GPM6A: variants seen among roughly 807,000 people sequenced by gnomAD.
GPM6A encodes neuronal membrane glycoprotein M6-a.
In GPM6A, 7 loss-of-function variants were observed where a neutral mutation model predicts 32.1. That is an observed-to-expected ratio of 0.22 (90% CI 0.12 to 0.41). The LOEUF (loss-of-function observed/expected upper bound fraction) is 0.41. Ranked by LOEUF, GPM6A falls within the 10% of genes least tolerant of loss-of-function variation. The pLI, the probability that GPM6A is intolerant of heterozygous loss-of-function variation, is 1.00. For missense variants in GPM6A, 235 were observed against 347.2 expected (o/e 0.68, Z 2.57); for synonymous variants, 130 against 123.4 (o/e 1.05, Z -0.35).
chr4:175,711,392 G>A (rs1461706044), intron 1 of GPM6A, among the ~76,000 whole-genome samples: 1 of 103,094 alleles, frequency 9.7e-6, no homozygotes, highest in Non-Finnish European at 1.8e-5. Context: ...GTTTAAAAAG[G>A]GCACACTGGC....
chr4:175,787,346 T>G, intron 1 of GPM6A: 1 of 1,533,348 alleles, frequency 6.5e-7, no homozygotes, highest in Non-Finnish European at 8.7e-7. Flanking sequence ...CTTCCAGGTC[T>G]GTCATAAAAG....
chr4:175,780,149 G>A (rs372674508), intron 1 of GPM6A, among the ~76,000 whole-genome samples: 1 of 151,822 alleles, frequency 6.6e-6, no homozygotes, highest in East Asian at 1.9e-4. Context: ...CCAGGTTCAA[G>A]GGATTCTCTT....
intron 1 of GPM6A, among the ~76,000 whole-genome samples, chr4:175,773,198 A>G (rs1045526554): frequency 6.6e-6 from 1 of 152,196 alleles, no homozygotes; most frequent in Non-Finnish European, 1.5e-5. Flanking sequence ...TCAGAAGAAC[A>G]ATTTTCTATA....
At chr4:175,826,997 A>C (rs576993941) in intron 1 of GPM6A, among the ~76,000 whole-genome samples, 59 of 152,156 alleles carry the variant, frequency 3.9e-4, no homozygotes, top group Non-Finnish European at 7.8e-4. Flanking sequence ...CTGACTTCAC[A>C]AGGTGAAGTC....
chr4:175,762,724 A>C (rs1460947645), intron 1 of GPM6A, among the ~76,000 whole-genome samples: 2 of 152,218 alleles, frequency 1.3e-5, no homozygotes, highest in Non-Finnish European at 2.9e-5. Context: ...AATTGGCCAC[A>C]CGTGAAAATG....
At chr4:175,737,108 C>A (rs999190103) in intron 1 of GPM6A, among the ~76,000 whole-genome samples, 1 of 152,186 alleles carries the variant, frequency 6.6e-6, no homozygotes, top group African/African-American at 2.4e-5. Flanking sequence ...TTCACTTGGG[C>A]ACCCACCATT....
At chr4:175,897,713 C>A (rs1449488169) in intron 1 of GPM6A, among the ~76,000 whole-genome samples, 1 of 152,140 alleles carries the variant, frequency 6.6e-6, no homozygotes, top group East Asian at 1.9e-4. Context: ...TAGTACTAGA[C>A]TCTACACTCC....
chr4:175,749,659 C>T (rs1484331608), intron 1 of GPM6A, among the ~76,000 whole-genome samples: 1 of 152,110 alleles, frequency 6.6e-6, no homozygotes, highest in Non-Finnish European at 1.5e-5. Context: ...ATCTTGACCC[C>T]CATAACCACA....
chr4:175,674,341 A>G (rs995523943), intron 2 of GPM6A, among the ~76,000 whole-genome samples: 1 of 152,096 alleles, frequency 6.6e-6, no homozygotes, highest in African/African-American at 2.4e-5. Context: ...CCATGCCCAG[A>G]TAATTTTGTC....
chr4:175,681,992 A>C (rs1227018830), intron 2 of GPM6A, among the ~76,000 whole-genome samples: 1 of 152,142 alleles, frequency 6.6e-6, no homozygotes, highest in Non-Finnish European at 1.5e-5. Flanking sequence ...CAGGAATATG[A>C]GGGAAACTTT....
rs144120595 is a variant in GPM6A at position 175,808,191 on chromosome 4, A to G, written c.37+4000T>C. 3.8e-3 allele frequency among the ~76,000 whole-genome samples: 576 copies of G among 152,282 alleles called. 2 individuals are homozygous for G. Among genetic ancestry groups the G allele is most frequent in the African/African-American group, 0.013 (555 of 41,558 alleles). On this transcript the variant is annotated intron_variant, in intron 1 of 6. Transcript: ENST00000393658. The stretch of plus-strand genomic sequence containing the variant: ...TCAAGATAAAAATAATCTTACACAC[A>G]CAAAAAATGTCTGAAGAGACTTTTA...
intron 6 of GPM6A, among the ~76,000 whole-genome samples, chr4:175,635,346 A>G (rs1181680010): frequency 1.3e-5 from 2 of 152,058 alleles, no homozygotes; most frequent in Non-Finnish European, 2.9e-5. Context: ...TTCCTGCCCA[A>G]TGTGTCCTCA....
chr4:175,991,076 T>TTTC (rs1491382479), intron 1 of GPM6A, among the ~76,000 whole-genome samples: 1 of 84,090 alleles, frequency 1.2e-5, no homozygotes, highest in African/African-American at 7.3e-5. Flanking sequence ...TCTTTCTTTC[T>TTTC]TTTTTTTTTT....
upstream of GPM6A, among the ~76,000 whole-genome samples, chr4:175,814,862 G>A (rs1422410282): frequency 6.6e-6 from 1 of 152,118 alleles, no homozygotes; most frequent in East Asian, 1.9e-4. Flanking sequence ...GTAGTTCAGT[G>A]GCATTAGGTA....
At chr4:175,708,317 G>C (rs1745324318) in intron 1 of GPM6A, among the ~76,000 whole-genome samples, 1 of 152,118 alleles carries the variant, frequency 6.6e-6, no homozygotes, top group Non-Finnish European at 1.5e-5. Context: ...AAATGGTCTG[G>C]AGGAGGTAAA....
intron 1 of GPM6A, among the ~76,000 whole-genome samples, chr4:175,764,210 C>T (rs1246626352): frequency 6.6e-6 from 1 of 152,190 alleles, no homozygotes; most frequent in Non-Finnish European, 1.5e-5. Context: ...GACTCATCTG[C>T]TTTATCTCTA....
chr4:175,798,665 T>C (rs951355702), intron 1 of GPM6A: 2 of 152,228 alleles, frequency 1.3e-5, no homozygotes, highest in Admixed American at 1.3e-4. Flanking sequence ...CATAACTCTT[T>C]TACTGACTAT....
intron 1 of GPM6A, among the ~76,000 whole-genome samples, chr4:175,772,906 C>T (rs1733247962): frequency 6.6e-6 from 1 of 152,132 alleles, no homozygotes; most frequent in African/African-American, 2.4e-5. Flanking sequence ...ATGCTTAAAA[C>T]CCAAAGCATT....
At chr4:175,871,860 A>G (rs902250820) in intron 1 of GPM6A, among the ~76,000 whole-genome samples, 1 of 152,100 alleles carries the variant, frequency 6.6e-6, no homozygotes, top group African/African-American at 2.4e-5. Context: ...AAAAAATTTT[A>G]TTTCTTTTTT....
Sources: allele counts gnomAD v4.1 joint callset (sites outside exome capture counted in the v4.1 genomes callset), GRCh38; gene constraint gnomAD v4.1.1; transcripts MANE v1.5; gene names NCBI Gene and HGNC (gene_info 2026-07-23, HGNC 2026-07-21).